Variants in CSMD3 observed in about 807,000 individuals in gnomAD.
CSMD3 encodes the protein CUB and Sushi multiple domains 3.
In CSMD3, 177 loss-of-function variants were observed where a neutral mutation model predicts 435.2. The ratio of observed to expected loss-of-function variants is 0.41; its 90% confidence interval spans 0.36 to 0.46. The LOEUF (loss-of-function observed/expected upper bound fraction) is 0.46, where lower values mean the gene tolerates loss of function less well. Among genes scored for constraint, CSMD3 ranks in the 20% least tolerant of loss-of-function variants. The pLI, the probability that CSMD3 is intolerant of heterozygous loss-of-function variation, is 0.34. For synonymous variants in CSMD3, 1,656 were observed against 1,520.5 expected (o/e 1.09, Z -2.07); for missense variants, 4,265 against 4,504.6 (o/e 0.95, Z 1.52).
intron 10 of CSMD3, among the ~76,000 whole-genome samples, chr8:112,886,181 A>G (rs771274817): frequency 4.6e-5 from 7 of 151,646 alleles, no homozygotes; most frequent in Non-Finnish European, 1.0e-4. Flanking sequence ...TAATATAAAT[A>G]TCATAGAAAT....
intron 13 of CSMD3, among the ~76,000 whole-genome samples, chr8:112,702,634 G>C (rs894808541): frequency 6.6e-6 from 1 of 152,000 alleles, no homozygotes; most frequent in Non-Finnish European, 1.5e-5. Context: ...TGATAGCCAG[G>C]ACCCTATGCT....
chr8:112,560,740 T>C (rs1254140528), intron 24 of CSMD3, among the ~76,000 whole-genome samples: 1 of 151,680 alleles, frequency 6.6e-6, no homozygotes, highest in Non-Finnish European at 1.5e-5. Flanking sequence ...AGTAGTACTT[T>C]AAAATTTCAG....
intron 53 of CSMD3, among the ~76,000 whole-genome samples, chr8:112,300,011 G>T (rs1234299081): frequency 6.6e-6 from 1 of 150,486 alleles, no homozygotes; most frequent in Non-Finnish European, 1.5e-5. Context: ...AACAATTCAT[G>T]AGAGCACATG....
At chr8:113,346,931 ATTC>A (rs1444705301) in intron 1 of CSMD3, among the ~76,000 whole-genome samples, 2 of 152,052 alleles carry the variant, frequency 1.3e-5, no homozygotes, top group African/African-American at 4.8e-5. Context: ...TTTTTCATCA[ATTC>A]TTCTTTATGA....
At chr8:112,697,702 G>C (rs539289375) in intron 13 of CSMD3, among the ~76,000 whole-genome samples, 11 of 151,990 alleles carry the variant, frequency 7.2e-5, no homozygotes, top group African/African-American at 2.7e-4. Context: ...CAAACGTTGT[G>C]CACATGTACC....
chr8:112,887,099 A>G (rs1410171166), intron 10 of CSMD3, among the ~76,000 whole-genome samples: 1 of 151,440 alleles, frequency 6.6e-6, no homozygotes, highest in East Asian at 2.0e-4. Context: ...GAGGTAAAAT[A>G]GCACTTCATA....
chr8:112,497,509 T>A (rs972708122), intron 30 of CSMD3, among the ~76,000 whole-genome samples: 3 of 150,412 alleles, frequency 2.0e-5, no homozygotes, highest in Middle Eastern at 3.5e-3. Context: ...ATATACCTAC[T>A]ATGAACCTGT....
At chr8:113,184,136 G>C (rs1470823078) in intron 3 of CSMD3, among the ~76,000 whole-genome samples, 2 of 151,972 alleles carry the variant, frequency 1.3e-5, no homozygotes, top group Non-Finnish European at 2.9e-5. Context: ...GTTTATTACA[G>C]AAGATATTAC....
chr8:112,668,221 T>C (rs2131717477), intron 16 of CSMD3, among the ~76,000 whole-genome samples: 1 of 152,290 alleles, frequency 6.6e-6, no homozygotes, highest in East Asian at 1.9e-4. Flanking sequence ...TGATGACTCA[T>C]AATTAGGTTT....
intron 1 of CSMD3, among the ~76,000 whole-genome samples, chr8:113,373,696 AC>A (rs1473707912): frequency 6.6e-6 from 1 of 152,112 alleles, no homozygotes; most frequent in African/African-American, 2.4e-5. Flanking sequence ...AGAATTTGTC[AC>A]TTTTGAGTCA....
intron 4 of CSMD3, among the ~76,000 whole-genome samples, chr8:113,166,141 T>C (rs2092144500): frequency 6.6e-6 from 1 of 152,152 alleles, no homozygotes. Flanking sequence ...TTGAGTTTCA[T>C]GAGGCCTGTA....
At chr8:112,620,048 G>GT (rs1833949743) in intron 22 of CSMD3, among the ~76,000 whole-genome samples, 1 of 152,060 alleles carries the variant, frequency 6.6e-6, no homozygotes, top group Non-Finnish European at 1.5e-5. Context: ...GGGGTTGGGA[G>GT]TGGGGGTATA....
intron 3 of CSMD3, among the ~76,000 whole-genome samples, chr8:113,240,999 T>C (rs934704631): frequency 1.3e-5 from 2 of 152,254 alleles, no homozygotes; most frequent in Non-Finnish European, 2.9e-5. Context: ...CGGGAACAAG[T>C]TGGATAATAA....
chr8:112,729,726 G>A (rs1391305850), intron 13 of CSMD3, among the ~76,000 whole-genome samples: 2 of 152,010 alleles, frequency 1.3e-5, no homozygotes, highest in African/African-American at 4.8e-5. Flanking sequence ...TCTCTTATAT[G>A]GACACACAGA....
chr8:112,767,825 A>G (rs2078017163), intron 13 of CSMD3, among the ~76,000 whole-genome samples: 1 of 151,774 alleles, frequency 6.6e-6, no homozygotes, highest in Non-Finnish European at 1.5e-5. Flanking sequence ...GAAGCTATTT[A>G]TTTACAAGCC....
chr8:113,143,728 T>C (rs1345566654), intron 4 of CSMD3, among the ~76,000 whole-genome samples: 2 of 151,484 alleles, frequency 1.3e-5, no homozygotes, highest in African/African-American at 2.4e-5. Context: ...TTTCCATTTA[T>C]ACAACGTTCT....
intron 27 of CSMD3, among the ~76,000 whole-genome samples, chr8:112,550,031 A>AT (rs989885126): frequency 1.3e-5 from 2 of 152,030 alleles, no homozygotes; most frequent in Admixed American, 1.3e-4. Context: ...GTTTTTATTC[A>AT]TTTTATCCAT....
At chr8:113,240,051 G>A (rs1380707880) in intron 3 of CSMD3, among the ~76,000 whole-genome samples, 1 of 151,862 alleles carries the variant, frequency 6.6e-6, no homozygotes, top group South Asian at 2.1e-4. Context: ...TCCCCTCTAT[G>A]TGTCCATGTG....
rs754867808 is a variant in CSMD3, at chr8:113,278,718, G to A, written c.402-14C>T. The A allele has an allele frequency of 8.4e-5, 98 of 1,166,094 alleles. 1 individual carries two copies. Among genetic ancestry groups the A allele is most frequent in the Non-Finnish European group, 1.2e-4 (89 of 771,942 alleles). The allele number at this position is 1,166,094 out of a possible 1,614,324, so 72.2% of individuals were successfully genotyped here. A position where few individuals can be genotyped will look rare whatever the true frequency, so the allele number is the denominator to read the frequency against. ...AATCCTGTTAACCTAAAACAAAATG[G>A]AATTAATTGTTAGAGACATAATCAT... On this transcript the variant is annotated splice_polypyrimidine_tract_variant and intron_variant, in intron 2 of 70. Coordinates refer to ENST00000297405, the MANE Select transcript of CSMD3 (RefSeq NM_198123.2).
Sources: allele counts gnomAD v4.1 joint callset (sites outside exome capture counted in the v4.1 genomes callset), GRCh38; gene constraint gnomAD v4.1.1; transcripts MANE v1.5; gene names NCBI Gene and HGNC (gene_info 2026-07-23, HGNC 2026-07-21).